The following PPM1E variants were observed in gnomAD, a reference collection of about 807,000 sequenced individuals.
PPM1E encodes protein phosphatase, Mg2+/Mn2+ dependent 1E.
PPM1E carries 20 observed loss-of-function variants against 65.9 expected under a neutral mutation model. The observed-to-expected ratio is 0.30, with a 90% CI of 0.21 to 0.44. PPM1E has a LOEUF of 0.44. Among genes scored for constraint, PPM1E ranks in the 20% least tolerant of loss-of-function variants. The pLI, the probability that PPM1E is intolerant of heterozygous loss-of-function variation, is 1.00. For synonymous variants in PPM1E, 352 were observed against 374.9 expected (o/e 0.94, Z 0.70); for missense variants, 713 against 953.1 (o/e 0.75, Z 3.32).
At chr17:58,804,405 C>CT (rs1181925373) in intron 1 of PPM1E, among the ~76,000 whole-genome samples, 1 of 152,038 alleles carries the variant, frequency 6.6e-6, no homozygotes, top group Non-Finnish European at 1.5e-5. Flanking sequence ...GGAATATGCT[C>CT]TTTTTTTCTT....
intron 1 of PPM1E, among the ~76,000 whole-genome samples, chr17:58,806,489 C>T (rs781580467): frequency 1.3e-4 from 19 of 151,806 alleles, no homozygotes; most frequent in Non-Finnish European, 2.1e-4. Context: ...TTCTGCTCTT[C>T]GTCTATGTGC....
intron 1 of PPM1E, among the ~76,000 whole-genome samples, chr17:58,844,628 A>G (rs2050753702): frequency 6.6e-6 from 1 of 152,194 alleles, no homozygotes. Context: ...GGGCTTTTGA[A>G]GGTTGTCACT....
At chr17:58,962,710 A>G (rs763205152) in intron 2 of PPM1E, among the ~76,000 whole-genome samples, 3 of 152,188 alleles carry the variant, frequency 2.0e-5, no homozygotes, top group Non-Finnish European at 2.9e-5. Flanking sequence ...TCCTTCTTCT[A>G]TATACCTCCA....
chr17:58,917,588 G>C (rs2051698904), intron 1 of PPM1E, among the ~76,000 whole-genome samples: 1 of 152,130 alleles, frequency 6.6e-6, no homozygotes, highest in Non-Finnish European at 1.5e-5. Context: ...CACTACTCTT[G>C]GTTTAACTTA....
At chr17:58,792,485 T>C (rs1217186736) in intron 1 of PPM1E, among the ~76,000 whole-genome samples, 1 of 149,970 alleles carries the variant, frequency 6.7e-6, no homozygotes, top group East Asian at 2.0e-4. Flanking sequence ...GGACTACAGG[T>C]GTGCACCACC....
At chr17:58,857,388 A>G (rs932145009) in intron 1 of PPM1E, among the ~76,000 whole-genome samples, 6 of 152,036 alleles carry the variant, frequency 3.9e-5, no homozygotes, top group African/African-American at 1.4e-4. Context: ...CAGTGGCAGT[A>G]CTATGTCGGT....
At chr17:58,944,258 C>T (rs553046712) in intron 1 of PPM1E, among the ~76,000 whole-genome samples, 105 of 152,180 alleles carry the variant, frequency 6.9e-4, no homozygotes, top group African/African-American at 1.9e-3. Context: ...AGATATAATT[C>T]GCATAATATA....
chr17:58,955,842 C>G, intron 2 of PPM1E, 75 bp downstream of exon 2: 1 of 1,433,834 alleles, frequency 7.0e-7, no homozygotes, highest in East Asian at 2.5e-5. Context: ...AAAATATCTG[C>G]AAAATACTAA....
chr17:58,927,125 T>A (rs1436696066), intron 1 of PPM1E, among the ~76,000 whole-genome samples: 1 of 145,818 alleles, frequency 6.9e-6, no homozygotes. Flanking sequence ...TTTTAAACTT[T>A]TTTTTTTTTT....
intron 1 of PPM1E, among the ~76,000 whole-genome samples, chr17:58,878,905 TA>T (rs71143297): frequency 0.38 from 55,434 of 145,022 alleles, 10,396 homozygotes; most frequent in Middle Eastern, 0.51. Flanking sequence ...ACTGCATCTC[TA>T]AAAAAAAAAA....
intron 2 of PPM1E, among the ~76,000 whole-genome samples, chr17:58,958,082 A>C (rs1185208235): frequency 1.3e-5 from 2 of 152,202 alleles, no homozygotes; most frequent in African/African-American, 4.8e-5. Flanking sequence ...GTTCAAGGTT[A>C]CAGTGAGCTG....
At chr17:58,847,707 T>A (rs1477574959) in intron 1 of PPM1E, among the ~76,000 whole-genome samples, 1 of 152,242 alleles carries the variant, frequency 6.6e-6, no homozygotes, top group East Asian at 1.9e-4. Context: ...GGTAGCATGA[T>A]GCCTCCAGCT....
intron 1 of PPM1E, among the ~76,000 whole-genome samples, chr17:58,882,117 A>G (rs2051202364): frequency 6.6e-6 from 1 of 151,862 alleles, no homozygotes; most frequent in South Asian, 2.1e-4. Flanking sequence ...GGCTGCAGTG[A>G]GCCATTATCA....
intron 1 of PPM1E, among the ~76,000 whole-genome samples, chr17:58,875,487 A>G (rs1283560525): frequency 1.3e-5 from 2 of 152,186 alleles, no homozygotes; most frequent in African/African-American, 4.8e-5. Flanking sequence ...GCAAATATAT[A>G]TACTATACTT....
intron 1 of PPM1E, among the ~76,000 whole-genome samples, chr17:58,822,326 TTTTATTTATTTATTTATTTATTTATTTA>T (rs143533991): frequency 2.8e-5 from 4 of 141,944 alleles, no homozygotes; most frequent in South Asian, 2.3e-4. Flanking sequence ...CTGAATTTAT[TTTTATTTATTTATTTATTTATTTATTTA>T]TTTATTTATT....
intron 1 of PPM1E, among the ~76,000 whole-genome samples, chr17:58,826,784 C>T (rs761768544): frequency 3.9e-5 from 6 of 151,950 alleles, no homozygotes; most frequent in Admixed American, 2.0e-4. Context: ...TGCCACCTCA[C>T]CTGGCTAATT....
intron 1 of PPM1E, among the ~76,000 whole-genome samples, chr17:58,813,338 G>C (rs1401066256): frequency 6.6e-6 from 1 of 152,082 alleles, no homozygotes; most frequent in African/African-American, 2.4e-5. Flanking sequence ...TCTTACTATT[G>C]ATAGAAAAAT....
At chr17:58,812,498 C>T (rs2050378744) in intron 1 of PPM1E, among the ~76,000 whole-genome samples, 1 of 151,942 alleles carries the variant, frequency 6.6e-6, no homozygotes, top group Non-Finnish European at 1.5e-5. Flanking sequence ...GAAGTATTTA[C>T]TTTCTTACAT....
chr17:58,897,430 AAAG>A (rs1228475252), intron 1 of PPM1E, among the ~76,000 whole-genome samples: 3 of 151,870 alleles, frequency 2.0e-5, no homozygotes, highest in Non-Finnish European at 4.4e-5. Context: ...AAAAAAGAAA[AAAG>A]AAAATGCTAC....
Sources: gnomAD v4.1 joint callset for allele counts (sites outside exome capture counted in the v4.1 genomes callset) on GRCh38, gnomAD v4.1.1 for gene constraint, MANE v1.5 for transcripts, NCBI Gene and HGNC (gene_info 2026-07-23, HGNC 2026-07-21) for gene names.